The following FER1L6 variants were observed in gnomAD, a reference collection of about 807,000 sequenced individuals.
The protein encoded by FER1L6 is fer-1 like family member 6, also known as fer-1-like protein 6.
A neutral mutation model predicts 219.2 loss-of-function variants in FER1L6; 177 were observed. The observed-to-expected ratio is 0.81, with a 90% CI of 0.71 to 0.91. FER1L6 has a LOEUF of 0.91. Ranked by LOEUF, FER1L6 falls within the 40% of genes least tolerant of loss-of-function variation. The pLI is 0.00. For missense variants in FER1L6, 2,153 were observed against 2,259.9 expected (o/e 0.95, Z 0.96); for synonymous variants, 768 against 824.3 (o/e 0.93, Z 1.17).
At chr8:124,050,475 G>T (rs1819959811) in intron 22 of FER1L6, among the ~76,000 whole-genome samples, 1 of 152,038 alleles carries the variant, frequency 6.6e-6, no homozygotes, top group South Asian at 2.1e-4. Context: ...ACCTGGAAAA[G>T]AAGTGAGTAG....
Position 124,005,256 on chromosome 8 carries a change from C to T in FER1L6, c.1700+1909C>T, listed in dbSNP as rs543213416. ...CCAGTTACTCTCCTGATTCACATCACTCATTGACTCCCTGTGGCTTTCAGG... is the reference window on the plus strand; with the variant it reads ...CCAGTTACTCTCCTGATTCACATCATTCATTGACTCCCTGTGGCTTTCAGG... On this transcript the variant is annotated intron_variant, in intron 13 of 40. Transcript: ENST00000522917. 7.2e-5 allele frequency among the ~76,000 whole-genome samples: 11 copies of T among 152,344 alleles called. No homozygotes were observed. The South Asian group carries it at 2.3e-3, about 32-fold the overall frequency.
In FER1L6 at chr8:123,907,501, T is replaced by C. The variant is rs1169628568; in HGVS notation, c.-7-48491T>C. On this transcript the variant is annotated intron_variant, in intron 1 of 40. Transcript: ENST00000522917. The stretch of plus-strand genomic sequence containing the variant: ...TAAGCTTTTGGTGATTTTGCCTGCA[T>C]AGGGCTGGAAATGTTGTCCAATAAC... Among the ~76,000 whole-genome samples the C allele has an allele frequency of 3.3e-5, 5 of 152,076 alleles. No individual in the cohort carries two copies. In the South Asian group the frequency reaches 1.0e-3, roughly 32 times the overall value.
chr8:123,957,239 T>A (rs1403877102), intron 2 of FER1L6, among the ~76,000 whole-genome samples: 1 of 152,214 alleles, frequency 6.6e-6, no homozygotes, highest in Non-Finnish European at 1.5e-5. Flanking sequence ...TGGAAACTCA[T>A]TAACACCCAG....
At chr8:124,080,318 T>C (rs185996253) in intron 32 of FER1L6, among the ~76,000 whole-genome samples, 2 of 152,184 alleles carry the variant, frequency 1.3e-5, no homozygotes, top group East Asian at 3.9e-4. Context: ...GGGCTGTTTT[T>C]GGTAACTTTT....
At chr8:123,893,695 T>TA (rs1292822941) in intron 1 of FER1L6, among the ~76,000 whole-genome samples, 1 of 152,202 alleles carries the variant, frequency 6.6e-6, no homozygotes, top group Non-Finnish European at 1.5e-5. Context: ...GAGCTTTGAC[T>TA]AAAATGGCCT....
chr8:123,925,387 C>T (rs887419114), intron 1 of FER1L6, among the ~76,000 whole-genome samples: 4 of 152,198 alleles, frequency 2.6e-5, no homozygotes, highest in African/African-American at 7.2e-5. Context: ...AACATGACAC[C>T]TGTCTTTCAG....
intron 39 of FER1L6, among the ~76,000 whole-genome samples, chr8:124,105,004 C>A (rs1822708611): frequency 6.6e-6 from 1 of 152,180 alleles, no homozygotes; most frequent in South Asian, 2.1e-4. Context: ...CCACAGCTAG[C>A]TACTCACACA....
intron 2 of FER1L6, among the ~76,000 whole-genome samples, chr8:123,961,372 G>A (rs1815269470): frequency 6.6e-6 from 1 of 152,176 alleles, no homozygotes; most frequent in Non-Finnish European, 1.5e-5. Flanking sequence ...ATCACATTTT[G>A]CTAATGAAGC....
chr8:123,864,568 CAG>C (rs1816799765), intron 1 of FER1L6, among the ~76,000 whole-genome samples: 1 of 149,694 alleles, frequency 6.7e-6, no homozygotes, highest in South Asian at 2.1e-4. Flanking sequence ...TAATATCCTG[CAG>C]AGTGTTTTCC....
intron 12 of FER1L6, among the ~76,000 whole-genome samples, chr8:123,998,879 C>A (rs1269829424): frequency 6.6e-6 from 1 of 152,014 alleles, no homozygotes; most frequent in Non-Finnish European, 1.5e-5. Context: ...TGGCGATTAG[C>A]AATGTTCACT....
At chr8:124,010,856 T>C in intron 14 of FER1L6, 142 bp downstream of exon 14, 2 of 1,187,130 alleles carry the variant, frequency 1.7e-6, no homozygotes, top group Non-Finnish European at 2.4e-6. Context: ...GGCACGTGGA[T>C]CCTACTATGC....
chr8:124,015,959 C>T (rs1271452287), intron 15 of FER1L6: 3 of 152,908 alleles, frequency 2.0e-5, no homozygotes, highest in East Asian at 3.9e-4. Context: ...TCCATCTCAC[C>T]CTTGCCCCTC....
chr8:123,904,337 G>A (rs563808209), intron 1 of FER1L6, among the ~76,000 whole-genome samples: 1 of 151,050 alleles, frequency 6.6e-6, no homozygotes, highest in East Asian at 1.9e-4. Flanking sequence ...AGGTTGGAAA[G>A]CATCTAGCAC....
chr8:124,110,301 G>C (rs1179226188), intron 39 of FER1L6, among the ~76,000 whole-genome samples: 1 of 152,142 alleles, frequency 6.6e-6, no homozygotes, highest in Non-Finnish European at 1.5e-5. Flanking sequence ...ATTTTATAGA[G>C]AAGGAAGCTG....
intron 1 of FER1L6, 103 bp from the exon 2 acceptor site, chr8:123,955,889 C>A: frequency 9.9e-7 from 1 of 1,009,416 alleles, no homozygotes; most frequent in Non-Finnish European, 1.5e-6. Context: ...GATGAGGAGG[C>A]TGGTGGGCTT....
chr8:123,884,030 A>G (rs1817156422), intron 1 of FER1L6, among the ~76,000 whole-genome samples: 1 of 152,226 alleles, frequency 6.6e-6, no homozygotes, highest in Non-Finnish European at 1.5e-5. Flanking sequence ...CCTATGACAT[A>G]CATACACTGG....
chr8:124,043,711 T>C (rs1259289741), intron 20 of FER1L6, among the ~76,000 whole-genome samples: 1 of 152,198 alleles, frequency 6.6e-6, no homozygotes, highest in African/African-American at 2.4e-5. Flanking sequence ...ATACTAACTC[T>C]CAAAACATAG....
In FER1L6 at chr8:123,972,748, C is replaced by T. The variant is rs185493710; in HGVS notation, c.448-686C>T. 1.5e-3 allele frequency among the ~76,000 whole-genome samples: 227 copies of T among 152,348 alleles called. 1 individual carries two copies. The highest frequency in any genetic ancestry group is 5.1e-3 in the African/African-American group (211 of 41,578). ...GACACTTCAGTTGCCATTGCCCTTT[C>T]TCCACACCTGCCAGTTTTCTCTTTT... On this transcript the variant is annotated intron_variant, in intron 6 of 40. Transcript: ENST00000522917.
intron 40 of FER1L6, 28 bp from the exon 41 acceptor site, chr8:124,119,579 T>C (rs766069115): frequency 1.3e-6 from 2 of 1,514,872 alleles, no homozygotes; most frequent in Non-Finnish European, 1.8e-6. Flanking sequence ...GATGCCCCCT[T>C]TTTGATTTTC....
Sources: gnomAD v4.1 joint callset for allele counts (sites outside exome capture counted in the v4.1 genomes callset) on GRCh38, gnomAD v4.1.1 for gene constraint, MANE v1.5 for transcripts, NCBI Gene and HGNC (gene_info 2026-07-23, HGNC 2026-07-21) for gene names.